Variants in MYH11 observed in about 807,000 individuals in gnomAD.
MYH11 encodes myosin heavy chain 11, also known as myosin-11.
A neutral mutation model predicts 246.6 loss-of-function variants in MYH11; 80 were observed. That is an observed-to-expected ratio of 0.32 (90% CI 0.27 to 0.39). The LOEUF (loss-of-function observed/expected upper bound fraction) is 0.39. Among genes scored for constraint, MYH11 ranks in the 10% least tolerant of loss-of-function variants. MYH11 has a pLI of 1.00. For synonymous variants in MYH11, 1,071 were observed against 1,015.5 expected, an observed-to-expected ratio of 1.05 and a Z score of -1.04; for missense variants, 2,158 against 2,546.8, an observed-to-expected ratio of 0.85 and a Z score of 3.29.
chr16:15,755,968 T>C (rs1216629610), intron 14 of MYH11, among the ~76,000 whole-genome samples: 1 of 151,828 alleles, frequency 6.6e-6, no homozygotes, highest in Non-Finnish European at 1.5e-5. Context: ...CATGGTGGTG[T>C]ACACCTGTAG....
At chr16:15,764,796 A>G (rs1055926476) in intron 9 of MYH11, among the ~76,000 whole-genome samples, 7 of 152,224 alleles carry the variant, frequency 4.6e-5, no homozygotes, top group Admixed American at 2.0e-4. Context: ...CATGTAAATC[A>G]TATGTCAATA....
In MYH11 at chr16:15,823,313, G is replaced by A. The variant is rs569925780; in HGVS notation, c.444C>T (p.His148=). 2.1e-5 allele frequency: 34 copies of A among 1,614,166 alleles called. No individual in the cohort carries two copies. The Admixed American group carries it at 3.5e-4, about 17-fold the overall frequency. ...IVDMYKGKKR[H]EMPPHIYAIA... is the part of the protein sequence containing the mutation. The stretch of plus-strand genomic sequence containing the variant: ...TGGCGTAGATGTGAGGCGGCATCTC[G>A]TGCCTCTTCTTGCCCTTGTACATGT... Residue 148 remains histidine, a synonymous_variant, in exon 3 of 41, where the codon CAC becomes CAT. Transcript: ENST00000300036.
At chr16:15,732,203 T>C (rs1471135583) in intron 27 of MYH11, among the ~76,000 whole-genome samples, 1 of 152,102 alleles carries the variant, frequency 6.6e-6, no homozygotes, top group Non-Finnish European at 1.5e-5. Context: ...CCTCAGGTGA[T>C]CCACCCAGTT....
At position 15,741,655 on chromosome 16, in the gene MYH11, C is replaced by G; in HGVS notation, c.2667G>C (p.Lys889Asn). Reference protein sequence around the residue: ...EQKHSQLTEEKNLLQEQLQAE... With the variant: ...EQKHSQLTEENNLLQEQLQAE... ...CCTGCAGCTGTTCCTGTAGCAGGTTCTTCTCCTCGGTCAGCTGCACGCAGG... is the reference window on the plus strand; with the variant it reads ...CCTGCAGCTGTTCCTGTAGCAGGTTGTTCTCCTCGGTCAGCTGCACGCAGG... The change falls in exon 22 of 41, where the codon AAG becomes AAC. Residue 889 changes from lysine (K) to asparagine (N), a missense_variant. Around this residue, in one of 11 missense-constraint regions of MYH11, gnomAD observed 284 missense variants for 315.4 expected, o/e 0.90. Coordinates refer to ENST00000300036, the MANE Select transcript of MYH11 (RefSeq NM_002474.3). The G allele has an allele frequency of 6.2e-7, 1 of 1,613,772 alleles. No homozygotes were observed. The highest frequency in any genetic ancestry group is 1.1e-5 in the South Asian group (1 of 91,090).
At position 15,750,373 on chromosome 16, in the gene MYH11, C is replaced by T; in HGVS notation, c.1865-42G>A. On this transcript the variant is annotated intron_variant, in intron 15 of 40. Coordinates refer to ENST00000300036, the MANE Select transcript of MYH11 (RefSeq NM_002474.3). This position sits in a 1 kb window ranked among gnomAD's most constrained non-coding sequence, Gnocchi z 4.3. ...GGGTGGCATCAGCCTCTGGCCCACC[C>T]ACCCCTAAATAGGCCAGAGGCTCAG... 4 of 1,547,726 alleles carry T rather than the reference C, an allele frequency of 2.6e-6. No individual in the cohort carries two copies. The highest frequency in any genetic ancestry group is 3.5e-6 in the Non-Finnish European group (4 of 1,148,288).
At chr16:15,710,152 C>T (rs1463489029) in intron 40 of MYH11, among the ~76,000 whole-genome samples, 3 of 152,116 alleles carry the variant, frequency 2.0e-5, no homozygotes, top group Non-Finnish European at 4.4e-5. Flanking sequence ...CTTTTTGTTC[C>T]ACTTTGCCCT....
intron 3 of MYH11, among the ~76,000 whole-genome samples, chr16:15,822,009 G>GCTC (rs1567199501): frequency 6.6e-6 from 1 of 152,222 alleles, no homozygotes; most frequent in African/African-American, 2.4e-5. Flanking sequence ...CCTTTGCAAG[G>GCTC]CTCCACCTGC....
intron 2 of MYH11, among the ~76,000 whole-genome samples, chr16:15,836,719 CTTTTTTTTT>C (rs780997939): frequency 1.4e-4 from 13 of 95,094 alleles, no homozygotes; most frequent in African/African-American, 2.4e-4. Flanking sequence ...TTTAATGTTT[CTTTTTTTTT>C]TTTTTTTTTT....
chr16:15,749,885 T>TCAGGGCAGAG, intron 16 of MYH11: 1 of 599,966 alleles, frequency 1.7e-6, no homozygotes, highest in South Asian at 2.0e-5. Context: ...AGTGAATACT[T>TCAGGGCAGAG]CCTGGGATAA....
chr16:15,752,163 G>A (rs2151267122), intron 15 of MYH11, among the ~76,000 whole-genome samples: 1 of 152,136 alleles, frequency 6.6e-6, no homozygotes, highest in Non-Finnish European at 1.5e-5. Context: ...GCAGAGGAGG[G>A]ACTACAGGCT....
At chr16:15,793,724 A>G (rs62030577) in intron 4 of MYH11, among the ~76,000 whole-genome samples, 13,059 of 140,904 alleles carry the variant, frequency 0.093, 615 homozygotes, top group Non-Finnish European at 0.12. Context: ...GGTTCACGCC[A>G]TTCTCCTGCC....
Position 15,747,887 on chromosome 16 carries a change from G to C in MYH11, c.2237C>G (p.Ala746Gly), listed in dbSNP as rs778651094. ...IPKGFMDGKQ[A>G]CILMIKALEL... is the part of the protein sequence containing the mutation. ...TTCTGGGCTCACCATGAGAATGCAG[G>C]CCTGCTTCCCGTCCATGAAGCCTTT... The change falls in exon 18 of 41, where the codon GCC becomes GGC. Residue 746 changes from alanine (A) to glycine (G), a missense_variant. Physicochemically the swap from Ala to Gly is moderately conservative, Grantham distance 60. Transcript: ENST00000300036. The C allele has an allele frequency of 1.7e-5, 27 of 1,613,830 alleles. No homozygotes were observed. Among genetic ancestry groups the C allele is most frequent in the Non-Finnish European group, 1.1e-5 (13 of 1,180,022 alleles).
chr16:15,833,393 A>AAGGG (rs748937987), intron 2 of MYH11, among the ~76,000 whole-genome samples: 18,456 of 148,040 alleles, frequency 0.12, 1,258 homozygotes, highest in Non-Finnish European at 0.16. Flanking sequence ...GGGAGGAAGG[A>AAGGG]AGGAAGGAAG....
intron 1 of MYH11, among the ~76,000 whole-genome samples, chr16:15,840,811 A>T (rs900870171): frequency 6.6e-6 from 1 of 152,204 alleles, no homozygotes; most frequent in Non-Finnish European, 1.5e-5. Context: ...TAAGAAATAA[A>T]TTTTTTAAGT....
intron 27 of MYH11, among the ~76,000 whole-genome samples, chr16:15,729,740 G>A (rs1012153630): frequency 2.6e-5 from 4 of 151,890 alleles, no homozygotes; most frequent in Non-Finnish European, 5.9e-5. Flanking sequence ...TAGTAGAGAC[G>A]GGGTTTTGCC....
chr16:15,823,394 G>A lies in MYH11; in HGVS notation c.363C>T (p.Phe121=). 1 of 1,614,174 alleles carries A rather than the reference G, an allele frequency of 6.2e-7. No individual in the cohort carries two copies. Among genetic ancestry groups the A allele is most frequent in the Non-Finnish European group, 8.5e-7 (1 of 1,180,044 alleles). The change falls in exon 3 of 41, where the codon TTC becomes TTT. Residue 121 remains phenylalanine (F), a synonymous_variant. Transcript: ENST00000300036. ...GTTTATAGGGGTTGACCACCACGCA[G>A]AAGAGGCCAGAGTACGTCTGCAGAC... ...SGLIYTYSGL[F]CVVVNPYKHL...
chr16:15,813,837 G>A (rs1596885336), intron 3 of MYH11, among the ~76,000 whole-genome samples: 1 of 147,158 alleles, frequency 6.8e-6, no homozygotes, highest in East Asian at 2.0e-4. Flanking sequence ...CCACACAAAA[G>A]AGGGGGGAAA....
At chr16:15,798,858 C>T (rs2042815797) in intron 3 of MYH11, among the ~76,000 whole-genome samples, 171 bp from the exon 4 acceptor site, 1 of 152,158 alleles carries the variant, frequency 6.6e-6, no homozygotes, top group African/African-American at 2.4e-5. Flanking sequence ...GGGCCACGAC[C>T]AAAGCCAAAA....
intron 5 of MYH11, chr16:15,783,130 C>A: frequency 6.5e-6 from 1 of 153,024 alleles, no homozygotes; most frequent in Non-Finnish European, 1.5e-5. Flanking sequence ...CCGGCCCCCT[C>A]TGCCGGGATG....
Sources: allele counts gnomAD v4.1 joint callset (sites outside exome capture counted in the v4.1 genomes callset), GRCh38; gene constraint gnomAD v4.1.1; regional missense constraint gnomAD v4.1.1; non-coding constraint Gnocchi (gnomAD v3.1); transcripts MANE v1.5; gene names NCBI Gene and HGNC (gene_info 2026-07-23, HGNC 2026-07-21).